The following XRRA1 variants were observed in gnomAD, a reference collection of about 807,000 sequenced individuals.
XRRA1 encodes X-ray radiation resistance-associated protein 1.
Under a neutral mutation model 80.2 loss-of-function variants are expected in XRRA1, and 69 were observed. That is an observed-to-expected ratio of 0.86 (90% CI 0.71 to 1.05). The LOEUF is 1.05. XRRA1 is among the 50% of genes least tolerant of loss of function. XRRA1 has a pLI of 0.00. For missense variants in XRRA1, 967 were observed against 976.4 expected, an observed-to-expected ratio of 0.99 and a Z score of 0.13; for synonymous variants, 348 against 389.9, an observed-to-expected ratio of 0.89 and a Z score of 1.27.
chr11:74,852,508 A>G (rs1285477011), intron 12 of XRRA1, among the ~76,000 whole-genome samples: 1 of 152,208 alleles, frequency 6.6e-6, no homozygotes, highest in Non-Finnish European at 1.5e-5. Flanking sequence ...TTGACACTTC[A>G]TCTTCCTCAG....
intron 13 of XRRA1, among the ~76,000 whole-genome samples, chr11:74,851,763 C>CCTCA (rs2039921188): frequency 6.6e-6 from 1 of 152,202 alleles, no homozygotes; most frequent in African/African-American, 2.4e-5. Context: ...CCTCCCTGAG[C>CCTCA]CTCAGTTTCT....
chr11:74,939,975 G>A (rs1187011082), intron 3 of XRRA1, among the ~76,000 whole-genome samples: 1 of 152,188 alleles, frequency 6.6e-6, no homozygotes, highest in Non-Finnish European at 1.5e-5. Context: ...GCCAGGGAAA[G>A]TCTCTGTGTG....
At chr11:74,943,323 A>G (rs1242819048) in intron 2 of XRRA1, among the ~76,000 whole-genome samples, 1 of 152,166 alleles carries the variant, frequency 6.6e-6, no homozygotes, top group Admixed American at 6.5e-5. Flanking sequence ...AGGCATAAAA[A>G]CGATTCCTCA....
chr11:74,891,759 AACAG>A (rs2050766592), intron 10 of XRRA1, among the ~76,000 whole-genome samples: 1 of 152,190 alleles, frequency 6.6e-6, no homozygotes, highest in Non-Finnish European at 1.5e-5. Flanking sequence ...ATACACCAAT[AACAG>A]ACAAACAGAG....
intron 15 of XRRA1, among the ~76,000 whole-genome samples, chr11:74,847,558 C>G (rs1458453153): frequency 2.0e-5 from 3 of 152,204 alleles, no homozygotes; most frequent in Non-Finnish European, 4.4e-5. Context: ...TTAATTCCTA[C>G]TCAGCCTGTA....
chr11:74,859,320 A>G, intron 11 of XRRA1, 37 bp from the exon 12 acceptor site: 1 of 1,578,326 alleles, frequency 6.3e-7, no homozygotes, highest in Non-Finnish European at 8.6e-7. Flanking sequence ...AAAGTGCCCG[A>G]TAATAAATAA....
chr11:74,867,270 G>T (rs1251085424), intron 10 of XRRA1, among the ~76,000 whole-genome samples: 2 of 152,126 alleles, frequency 1.3e-5, no homozygotes, highest in Non-Finnish European at 2.9e-5. Flanking sequence ...AATATGGATG[G>T]GAATGGAGAT....
chr11:74,857,257 C>T (rs1342841120), intron 12 of XRRA1, among the ~76,000 whole-genome samples: 11 of 152,098 alleles, frequency 7.2e-5, no homozygotes, highest in South Asian at 2.1e-4. Flanking sequence ...AAAAGAGACA[C>T]ACCTTAACTA....
At chr11:74,888,499 A>G (rs1565329604) in intron 10 of XRRA1, among the ~76,000 whole-genome samples, 1 of 152,198 alleles carries the variant, frequency 6.6e-6, no homozygotes, top group Non-Finnish European at 1.5e-5. Context: ...GAAACTCTAA[A>G]AATCAGAATG....
In XRRA1 at chr11:74,888,458, A is replaced by C. The variant is rs565045146; in HGVS notation, c.1003+17781T>G. ...AAGGCCAAAGGTAGATAAAACCACA[A>C]AGATGGGGAAAAAACAGAGCAGAAA... On this transcript the variant is annotated intron_variant, in intron 10 of 18. Coordinates refer to ENST00000684022, the MANE Select transcript of XRRA1 (RefSeq NM_001378157.1). Among the ~76,000 whole-genome samples, 25 of 152,278 alleles carry C rather than the reference A, an allele frequency of 1.6e-4. No homozygotes were observed. The South Asian group carries it at 4.6e-3, about 28-fold the overall frequency.
intron 8 of XRRA1, chr11:74,910,947 G>C (rs976163010): frequency 6.5e-6 from 1 of 152,966 alleles, no homozygotes; most frequent in Non-Finnish European, 1.5e-5. Flanking sequence ...GCCAGTCAAT[G>C]AGGCCAGGAA....
chr11:74,933,728 A>T, intron 5 of XRRA1, 73 bp downstream of exon 5: 1 of 1,431,480 alleles, frequency 7.0e-7, no homozygotes, highest in South Asian at 1.2e-5. Flanking sequence ...GGTGCAAGAG[A>T]CAAACCACAA....
chr11:74,924,602 G>A (rs111465265), intron 7 of XRRA1, among the ~76,000 whole-genome samples: 2 of 152,334 alleles, frequency 1.3e-5, no homozygotes, highest in African/African-American at 4.8e-5. Flanking sequence ...GGGAGGTTGA[G>A]GTGGGCAGAT....
At chr11:74,900,334 G>A (rs2053334450) in intron 10 of XRRA1, among the ~76,000 whole-genome samples, 2 of 152,136 alleles carry the variant, frequency 1.3e-5, no homozygotes, top group Admixed American at 6.5e-5. Flanking sequence ...TGTAATCCCA[G>A]CACTTTGGGA....
intron 15 of XRRA1, 101 bp from the exon 16 acceptor site, chr11:74,845,372 T>C: frequency 7.9e-7 from 1 of 1,272,140 alleles, no homozygotes; most frequent in Admixed American, 2.3e-5. Flanking sequence ...CTGGGCCCTG[T>C]TAAGGGCAAG....
At chr11:74,943,524 GGTGTGTGTGTGTGTGTGT>G (rs67590742) in intron 2 of XRRA1, among the ~76,000 whole-genome samples, 1 of 137,762 alleles carries the variant, frequency 7.3e-6, no homozygotes, top group African/African-American at 2.7e-5. Flanking sequence ...AGAGTAGGAG[GGTGTGTGTGTGTGTGTGT>G]GTGTGTGTGT....
chr11:74,901,371 C>G (rs1276818268), intron 10 of XRRA1, among the ~76,000 whole-genome samples: 1 of 152,090 alleles, frequency 6.6e-6, no homozygotes, highest in Admixed American at 6.6e-5. Flanking sequence ...GTACTGAAAG[C>G]ATTCTAGAGA....
chr11:74,939,738 T>C (rs1173162998), intron 3 of XRRA1, among the ~76,000 whole-genome samples: 1 of 152,206 alleles, frequency 6.6e-6, no homozygotes, highest in African/African-American at 2.4e-5. Context: ...TTGCTGTCAG[T>C]GGACTGGTAA....
intron 8 of XRRA1, among the ~76,000 whole-genome samples, chr11:74,915,040 T>C (rs951322581): frequency 1.4e-4 from 22 of 152,208 alleles, no homozygotes; most frequent in Non-Finnish European, 2.6e-4. Flanking sequence ...TAGCATGATA[T>C]GCTGATACCT....
Sources: gnomAD v4.1 joint callset for allele counts (sites outside exome capture counted in the v4.1 genomes callset) on GRCh38, gnomAD v4.1.1 for gene constraint, MANE v1.5 for transcripts, NCBI Gene and HGNC (gene_info 2026-07-23, HGNC 2026-07-21) for gene names.